PPM1F: variants seen among roughly 807,000 people sequenced by gnomAD.
PPM1F encodes protein phosphatase 1F.
PPM1F carries 17 observed loss-of-function variants against 35.5 expected under a neutral mutation model. That is an observed-to-expected ratio of 0.48 (90% confidence interval 0.33 to 0.72). PPM1F has a LOEUF of 0.72. Among genes scored for constraint, PPM1F ranks in the 30% least tolerant of loss-of-function variants. The pLI is 0.02. For missense variants in PPM1F, 521 were observed against 613.0 expected (o/e 0.85, Z 1.59); for synonymous variants, 241 against 255.5 (o/e 0.94, Z 0.54).
chr22:21,934,876 C>T (rs1335072570), intron 3 of PPM1F: 1 of 118,162 alleles, frequency 8.5e-6, no homozygotes, highest in Non-Finnish European at 1.7e-5. Flanking sequence ...CAGAGCAAGA[C>T]TCTGTCTCAA....
intron 3 of PPM1F, 198 bp from the exon 4 acceptor site, chr22:21,934,424 T>C (rs2070634614): frequency 1.8e-6 from 1 of 567,410 alleles, no homozygotes. Context: ...ACTTGCCCCT[T>C]GAAGTCTCCC....
chr22:21,940,366 A>C (rs2070711293), intron 2 of PPM1F, among the ~76,000 whole-genome samples: 1 of 152,098 alleles, frequency 6.6e-6, no homozygotes, highest in Non-Finnish European at 1.5e-5. Context: ...CCAGCTACTC[A>C]GGAGGCTGAG....
intron 1 of PPM1F, chr22:21,947,418 G>A (rs527367780): frequency 6.6e-6 from 1 of 152,308 alleles, no homozygotes; most frequent in East Asian, 1.9e-4. Context: ...CTCAGGCTGG[G>A]AAACTTTATT....
intron 6 of PPM1F, among the ~76,000 whole-genome samples, chr22:21,929,044 C>T (rs983829069): frequency 1.3e-5 from 2 of 152,282 alleles, no homozygotes; most frequent in African/African-American, 4.8e-5. Context: ...ACCACGCACT[C>T]CCCCCACGTA....
chr22:21,933,274 C>G lies in PPM1F; in HGVS notation c.747+117G>C, dbSNP rs2070614527. ...TTAGAAAAAATGGCAGGACCACCGG[C>G]AGTGTTTAGTGAGGACCTTCCAGCA... is the stretch of plus-strand genomic sequence containing the variant. On this transcript the variant is annotated intron_variant, in intron 5 of 7. Transcript: ENST00000263212. 3.2e-6 allele frequency: 3 copies of G among 937,650 alleles called. No individual in the cohort carries two copies. The East Asian group carries it at 8.0e-5, about 25-fold the overall frequency. 58.1% of individuals were successfully genotyped at this position (937,650 alleles called of 1,614,324 possible).
intron 2 of PPM1F, chr22:21,941,739 G>C (rs2070727573): frequency 6.6e-6 from 1 of 152,352 alleles, no homozygotes; most frequent in South Asian, 2.1e-4. Flanking sequence ...TCATAGAACA[G>C]AGCTGAGCAG....
At chr22:21,936,888 CATTTGGGGCAATT>C (rs1469444262) in intron 3 of PPM1F, 1 of 152,258 alleles carries the variant, frequency 6.6e-6, no homozygotes, top group Non-Finnish European at 1.5e-5. Context: ...TAAGCCACTA[CATTTGGGGCAATT>C]TGTTATGTAG....
At chr22:21,938,411 G>C (rs2070686910) in intron 3 of PPM1F, 2 of 1,157,740 alleles carry the variant, frequency 1.7e-6, no homozygotes, top group Non-Finnish European at 2.2e-6. Context: ...GCGCTCCCAG[G>C]GAATGCGGGC....
chr22:21,923,505 C>G (rs376103841), intron 7 of PPM1F, 34 bp from the exon 8 acceptor site: 2 of 1,558,556 alleles, frequency 1.3e-6, no homozygotes, highest in African/African-American at 2.7e-5. Flanking sequence ...GGTCAGAGGA[C>G]CACGGTGTCC....
chr22:21,945,807 T>C (rs2070770943), intron 2 of PPM1F, 36 bp downstream of exon 2: 5 of 1,595,772 alleles, frequency 3.1e-6, no homozygotes, highest in Non-Finnish European at 4.3e-6. Flanking sequence ...TGCCGTGCCC[T>C]TACTCCCCGT....
At position 21,945,889 on chromosome 22, in the gene PPM1F, C is replaced by G; in HGVS notation, c.160G>C (p.Val54Leu). 1 of 1,612,744 alleles carries G rather than the reference C, an allele frequency of 6.2e-7. No homozygotes were observed. Among genetic ancestry groups the G allele is most frequent in the Non-Finnish European group, 8.5e-7 (1 of 1,179,856 alleles). Residue 54 changes from valine to leucine, a missense_variant, in exon 2 of 8, where the codon GTG (valine) becomes CTG (leucine). Coordinates refer to ENST00000263212, the MANE Select transcript of PPM1F (RefSeq NM_014634.4). Reference protein sequence around the residue: ...APGTVLSQEEVEGELAELAMG... With the variant: ...APGTVLSQEELEGELAELAMG... ...GCCAGCTCAGCCAGCTCGCCCTCCA[C>G]CTCCTCCTGGCTGAGCACCGTCCCT...
At chr22:21,946,167 GC>G in intron 1 of PPM1F, 59 bp from the exon 2 acceptor site, 1 of 795,626 alleles carries the variant, frequency 1.3e-6, no homozygotes, top group Non-Finnish European at 1.9e-6. Context: ...CAATGCAGGT[GC>G]CCACCTGCAA....
At chr22:21,930,364 T>G (rs1339232983) in intron 6 of PPM1F, among the ~76,000 whole-genome samples, 1 of 152,170 alleles carries the variant, frequency 6.6e-6, no homozygotes, top group Non-Finnish European at 1.5e-5. Flanking sequence ...CCTACAGATA[T>G]AGGTACACTT....
In PPM1F at chr22:21,945,972, A is replaced by C. The variant is rs747660424; in HGVS notation, c.77T>G (p.Leu26Arg). Residue 26 changes from leucine to arginine, a missense_variant, in exon 2 of 8, where the codon CTC becomes CGC. Leu to Arg is a moderately radical substitution (Grantham distance 102, BLOSUM62 -2). This residue lies in a region of PPM1F where 311 missense variants were observed against 351.5 expected (regional missense o/e 0.88). Coordinates refer to ENST00000263212, the MANE Select transcript of PPM1F (RefSeq NM_014634.4). ...AEETPGFLDTLLQDFPALLNP... is the reference protein window; with the variant it reads ...AEETPGFLDTRLQDFPALLNP... ...CAGCAGGGCTGGGAAGTCTTGCAGG[A>C]GCGTGTCCAGGAAGCCTGGGGTCTC... 1.2e-5 allele frequency: 20 copies of C among 1,610,854 alleles called. No individual in the cohort carries two copies. Among genetic ancestry groups the C allele is most frequent in the Non-Finnish European group, 1.7e-5 (20 of 1,178,250 alleles).
At position 21,922,107 on chromosome 22, in the gene PPM1F, C is replaced by T. The variant is rs2070454045; in HGVS notation, c.*985G>A. Reference sequence around the variant, plus strand: ...TTTCTAAAAACCTCAATGGGCCTATCCGAGCCCACTGCAGTCCTAGTTTCT... The same window carrying T: ...TTTCTAAAAACCTCAATGGGCCTATTCGAGCCCACTGCAGTCCTAGTTTCT... On this transcript the variant is annotated 3_prime_UTR_variant, in exon 8 of 8. Transcript: ENST00000263212. The T allele has an allele frequency of 6.6e-6, 1 of 152,634 alleles. No homozygotes were observed. Among genetic ancestry groups the T allele is most frequent in the Non-Finnish European group, 1.5e-5 (1 of 68,040 alleles). The allele number at this position is 152,634 out of a possible 1,614,324, so 9.5% of individuals were successfully genotyped here.
Position 21,939,384 on chromosome 22 carries a change from A to G in PPM1F, c.355+148T>C. ...CACCCTCCACCTCACTGGGGCCGCA[A>G]GCCTTCTCTGCTCCTTGATTCTGCT... On this transcript the variant is annotated intron_variant, in intron 3 of 7. Transcript: ENST00000263212. The surrounding 1 kb of genome is among the most constrained non-coding windows in gnomAD (Gnocchi z 5.1). 1 of 1,072,926 alleles carries G rather than the reference A, an allele frequency of 9.3e-7. No homozygotes were observed. 66.5% of individuals were successfully genotyped at this position (1,072,926 alleles called of 1,614,324 possible).
chr22:21,932,961 C>T (rs1392963318), intron 5 of PPM1F, among the ~76,000 whole-genome samples: 1 of 152,214 alleles, frequency 6.6e-6, no homozygotes. Flanking sequence ...GCTTCCCTCT[C>T]TTCTCTCTGC....
rs143120845 is a variant in PPM1F at position 21,923,331 on chromosome 22, G to C, written c.1126C>G (p.Gln376Glu). 3 of 1,613,734 alleles carry C rather than the reference G, an allele frequency of 1.9e-6. No homozygotes were observed. Among genetic ancestry groups the C allele is most frequent in the Non-Finnish European group, 2.5e-6 (3 of 1,179,968 alleles). ...CCCTGCTGCCTGGTCAGGTGGCTCT[G>C]GACCAGGCCAACAACTTCCTGGTGG... ...VPHQEVVGLVQSHLTRQQGSG... is the reference protein window; with the variant it reads ...VPHQEVVGLVESHLTRQQGSG... Residue 376 changes from glutamine to glutamate, a missense_variant, in exon 8 of 8, where the codon CAG becomes GAG. This residue lies in a region of PPM1F where 163 missense variants were observed against 169.6 expected (regional missense o/e 0.96). Coordinates refer to ENST00000263212, the MANE Select transcript of PPM1F (RefSeq NM_014634.4).
At chr22:21,946,241 T>C (rs1206279928) in intron 1 of PPM1F, 133 bp from the exon 2 acceptor site, 5 of 458,766 alleles carry the variant, frequency 1.1e-5, no homozygotes, top group African/African-American at 4.1e-5. Context: ...GGGACAACCC[T>C]GGCCACTGTT....
Sources: allele counts gnomAD v4.1 joint callset (sites outside exome capture counted in the v4.1 genomes callset), GRCh38; gene constraint gnomAD v4.1.1; regional missense constraint gnomAD v4.1.1; non-coding constraint Gnocchi (gnomAD v3.1); transcripts MANE v1.5; gene names NCBI Gene and HGNC (gene_info 2026-07-23, HGNC 2026-07-21).